ESRP2: variants seen among roughly 807,000 people sequenced by gnomAD.
ESRP2 encodes epithelial splicing regulatory protein 2, also known as RNA binding motif protein 35A.
A neutral mutation model predicts 78.6 loss-of-function variants in ESRP2; 48 were observed. The ratio of observed to expected loss-of-function variants is 0.61; its 90% confidence interval spans 0.48 to 0.78. The LOEUF (loss-of-function observed/expected upper bound fraction) is 0.78. ESRP2 is among the 30% of genes least tolerant of loss of function. ESRP2 has a pLI of 0.00. For missense variants in ESRP2, 863 were observed against 965.9 expected (o/e 0.89, Z 1.41); for synonymous variants, 383 against 406.7 (o/e 0.94, Z 0.70).
At position 68,230,519 on chromosome 16, in the gene ESRP2, G is replaced by C; in HGVS notation, c.1934C>G (p.Thr645Ser). 6.3e-7 allele frequency: 1 copy of C among 1,598,982 alleles called. No homozygotes were observed. The highest frequency in any genetic ancestry group is 1.1e-5 in the South Asian group (1 of 88,348). The part of the protein sequence containing the change: ...PVSPTTVGYL[T>S]TPTAALASAP... The stretch of plus-strand genomic sequence containing the variant: ...AGAGGCCAGGGCAGCAGTGGGTGTA[G>C]TGAGGTAGCCCACAGTGGTGGGGGA... The change falls in exon 14 of 15, where the codon ACT (threonine) becomes AGT (serine). Residue 645 changes from threonine to serine, a missense_variant. Thr to Ser is a moderately conservative substitution (Grantham distance 58, BLOSUM62 1). Coordinates refer to ENST00000473183, the MANE Select transcript of ESRP2 (RefSeq NM_024939.3).
rs779673530 is a variant in ESRP2 at position 68,235,699 on chromosome 16, C to G, written c.262G>C (p.Glu88Gln). ...EAAALSTQCR[E>Q]ASGLSADSLA... Reference sequence around the variant, plus strand: ...CTGTCGGCGCTCAGGCCGCTCGCCTCGCGGCACTGCGTACTCAGTGCGGCC... The same window carrying G: ...CTGTCGGCGCTCAGGCCGCTCGCCTGGCGGCACTGCGTACTCAGTGCGGCC... The change falls in exon 2 of 15, where the codon GAG (glutamate) becomes CAG (glutamine). Residue 88 changes from glutamate to glutamine, a missense_variant. Coordinates refer to ENST00000473183, the MANE Select transcript of ESRP2 (RefSeq NM_024939.3). The surrounding 1 kb of genome is among the most constrained non-coding windows in gnomAD (Gnocchi z 5.5). 20 of 1,601,630 alleles carry G rather than the reference C, an allele frequency of 1.2e-5. No homozygotes were observed. Among genetic ancestry groups the G allele is most frequent in the Non-Finnish European group, 1.4e-5 (17 of 1,178,482 alleles).
chr16:68,231,975 C>A lies in ESRP2; in HGVS notation c.1126G>T (p.Gly376Trp). ...GFLGPECPVT[G>W]GTEGLLFVRH... ...ACAAAGAGCAGCCCCTCGGTACCCCCAGTCACTGGGCACTCTGGCCCCAGG... is the reference window on the plus strand; with the variant it reads ...ACAAAGAGCAGCCCCTCGGTACCCCAAGTCACTGGGCACTCTGGCCCCAGG... Residue 376 changes from glycine to tryptophan, a missense_variant, in exon 10 of 15, where the codon GGG (glycine) becomes TGG (tryptophan). Transcript: ENST00000473183. The surrounding 1 kb of genome is among the most constrained non-coding windows in gnomAD (Gnocchi z 6.0). The A allele has an allele frequency of 6.2e-7, 1 of 1,614,112 alleles. No homozygotes were observed.
Position 68,229,701 on chromosome 16 carries a change from C to T in ESRP2, c.*525G>A, listed in dbSNP as rs150665673. On this transcript the variant is annotated 3_prime_UTR_variant, in exon 15 of 15. Transcript: ENST00000473183. ...GGGACCACCCCTGGCACAACATGGT[C>T]TCTGAGGTCCAGATACTCTGAGGGT... 958 of 158,450 alleles carry T rather than the reference C, an allele frequency of 6.0e-3. 11 individuals carry two copies. Among genetic ancestry groups the T allele is most frequent in the Middle Eastern group, 0.027 (8 of 298 alleles). 9.8% of individuals were successfully genotyped at this position (158,450 alleles called of 1,614,324 possible).
chr16:68,231,775 T>G lies in ESRP2; in HGVS notation c.1299+27A>C. On this transcript the variant is annotated intron_variant, in intron 10 of 14. Coordinates refer to ENST00000473183, the MANE Select transcript of ESRP2 (RefSeq NM_024939.3). This position sits in a 1 kb window ranked among gnomAD's most constrained non-coding sequence, Gnocchi z 6.0. ...GGCCGCCCTGGAGTAACAGTACATC[T>G]GGGGGTGGGGAGCCCTGGGCGCTCA... 1.2e-6 allele frequency: 2 copies of G among 1,603,684 alleles called. No homozygotes were observed. Among genetic ancestry groups the G allele is most frequent in the Non-Finnish European group, 1.7e-6 (2 of 1,172,426 alleles).
At position 68,235,210 on chromosome 16, in the gene ESRP2, G is replaced by T; in HGVS notation, c.327+424C>A. ...AGGGCCGACACCGCCCTACGCCTCC[G>T]CTCCAGCAGCTCCCAAGCAGGCCGA... On this transcript the variant is annotated intron_variant, in intron 2 of 14. Transcript: ENST00000473183. This position sits in a 1 kb window ranked among gnomAD's most constrained non-coding sequence, Gnocchi z 5.5. 2 of 985,288 alleles carry T rather than the reference G, an allele frequency of 2.0e-6. No homozygotes were observed. Among genetic ancestry groups the T allele is most frequent in the Non-Finnish European group, 2.4e-6 (2 of 829,908 alleles). 61.0% of individuals were successfully genotyped at this position (985,288 alleles called of 1,614,324 possible).
chr16:68,230,705 G>A, intron 13 of ESRP2, 136 bp downstream of exon 13: 4 of 1,431,174 alleles, frequency 2.8e-6, no homozygotes, highest in Admixed American at 2.0e-5. Context: ...CTGTTTTGTA[G>A]ATGGCATTAG....
Position 68,231,657 on chromosome 16 carries a change from G to A in ESRP2, c.1337C>T (p.Thr446Ile). The A allele has an allele frequency of 6.2e-7, 1 of 1,612,896 alleles. No homozygotes were observed. Among genetic ancestry groups the A allele is most frequent in the African/African-American group, 1.3e-5 (1 of 74,982 alleles). Residue 446 changes from threonine (T) to isoleucine (I), a missense_variant, in exon 11 of 15, where the codon ACA (threonine) becomes ATA (isoleucine). By Grantham distance (89) the Thr-to-Ile change is moderately conservative. Transcript: ENST00000473183. The surrounding 1 kb of genome is among the most constrained non-coding windows in gnomAD (Gnocchi z 6.0). ...NRYASGPLLP[T>I]LTAPLLPIPF... The stretch of plus-strand genomic sequence containing the variant: ...GATGGGCAGCAGTGGGGCAGTCAGT[G>A]TAGGAAGGAGTGGGCCGGATGCATA...
At chr16:68,230,610 A>G in intron 13 of ESRP2, 56 bp from the exon 14 acceptor site, 1 of 1,514,152 alleles carries the variant, frequency 6.6e-7, no homozygotes, top group South Asian at 1.3e-5. Flanking sequence ...CTAGACCGAG[A>G]CCTGTTTCCC....
Position 68,229,247 on chromosome 16 carries a change from C to T in ESRP2, c.*979G>A, listed in dbSNP as rs749564922. On this transcript the variant is annotated 3_prime_UTR_variant, in exon 15 of 15. Coordinates refer to ENST00000473183, the MANE Select transcript of ESRP2 (RefSeq NM_024939.3). ...TTAGTGCTGAAATAATAAACAGTGA[C>T]AGGTCAACAGTATCCTTAATCTGTC... is the stretch of plus-strand genomic sequence containing the variant. The T allele has an allele frequency of 6.6e-6, 1 of 152,248 alleles. No homozygotes were observed. Among genetic ancestry groups the T allele is most frequent in the Non-Finnish European group, 1.5e-5 (1 of 68,050 alleles). The allele number at this position is 152,248 out of a possible 1,614,324, so 9.4% of individuals were successfully genotyped here.
chr16:68,233,732 G>A, intron 4 of ESRP2, 36 bp downstream of exon 4: 1 of 1,494,728 alleles, frequency 6.7e-7, no homozygotes, highest in African/African-American at 1.4e-5. Context: ...TACCCACAGT[G>A]GCTTCTCCAC....
At position 68,232,832 on chromosome 16, in the gene ESRP2, T is replaced by A. The variant is rs746118286; in HGVS notation, c.656-17A>T. ...ACAATTGACCTGAGAAAAGATGGCC[T>A]GGGGGTCAGCAGGGTCTGGTGGAGA... On this transcript the variant is annotated splice_polypyrimidine_tract_variant and intron_variant, in intron 5 of 14. Transcript: ENST00000473183. This position sits in a 1 kb window ranked among gnomAD's most constrained non-coding sequence, Gnocchi z 5.2. 6.2e-7 allele frequency: 1 copy of A among 1,613,964 alleles called. No homozygotes were observed. Among genetic ancestry groups the A allele is most frequent in the Non-Finnish European group, 8.5e-7 (1 of 1,180,034 alleles).
intron 5 of ESRP2, chr16:68,233,044 C>G (rs1011207686): frequency 1.7e-4 from 107 of 633,796 alleles, no homozygotes; most frequent in Non-Finnish European, 2.7e-4. Context: ...ACTAAAAATA[C>G]AAAAATTAGG....
chr16:68,230,092 G>T lies in ESRP2; in HGVS notation c.*134C>A. 1.3e-6 allele frequency: 1 copy of T among 765,906 alleles called. No homozygotes were observed. Among genetic ancestry groups the T allele is most frequent in the Non-Finnish European group, 2.2e-6 (1 of 452,264 alleles). 47.4% of individuals were successfully genotyped at this position (765,906 alleles called of 1,614,324 possible). ...AGTGGAGGATGGAGCTGGGGCTTGGGCTCCTCTAGGTACCTTCTGAGAGCT... is the reference window on the plus strand; with the variant it reads ...AGTGGAGGATGGAGCTGGGGCTTGGTCTCCTCTAGGTACCTTCTGAGAGCT... On this transcript the variant is annotated 3_prime_UTR_variant, in exon 15 of 15. Transcript: ENST00000473183.
Position 68,234,021 on chromosome 16 carries a change from C to T in ESRP2, c.414G>A (p.Gln138=). 6.2e-7 allele frequency: 1 copy of T among 1,614,100 alleles called. No individual in the cohort carries two copies. Among genetic ancestry groups the T allele is most frequent in the Non-Finnish European group, 8.5e-7 (1 of 1,179,996 alleles). The stretch of plus-strand genomic sequence containing the variant: ...TCCTGGAGGCCTCGGGGTGCAGGAC[C>T]TGTCGCAATAGCTGCTGCCCATCAG... ...LCTDGQQLLR[Q]VLHPEASRKN... The change falls in exon 3 of 15, where the codon CAG becomes CAA. Residue 138 remains glutamine, a synonymous_variant. Coordinates refer to ENST00000473183, the MANE Select transcript of ESRP2 (RefSeq NM_024939.3).
Position 68,235,380 on chromosome 16 carries a change from A to G in ESRP2, c.327+254T>C. 2.0e-6 allele frequency: 2 copies of G among 985,442 alleles called. No homozygotes were observed. The highest frequency in any genetic ancestry group is 2.4e-6 in the Non-Finnish European group (2 of 829,918). The allele number at this position is 985,442 out of a possible 1,614,324, so 61.0% of individuals were successfully genotyped here. A position where few individuals can be genotyped will look rare whatever the true frequency, so the allele number is the denominator to read the frequency against. ...GGGCGGGAACTGGGGATGGATCCCAAAGCCTGCGTCCCGATCCCTTCGGTA... is the reference window on the plus strand; with the variant it reads ...GGGCGGGAACTGGGGATGGATCCCAGAGCCTGCGTCCCGATCCCTTCGGTA... On this transcript the variant is annotated intron_variant, in intron 2 of 14. Transcript: ENST00000473183. This position sits in a 1 kb window ranked among gnomAD's most constrained non-coding sequence, Gnocchi z 5.5.
Position 68,232,958 on chromosome 16 carries a change from G to A in ESRP2, c.656-143C>T, listed in dbSNP as rs2042166305. 1 of 1,183,268 alleles carries A rather than the reference G, an allele frequency of 8.5e-7. No homozygotes were observed. The highest frequency in any genetic ancestry group is 2.0e-5 in the Admixed American group (1 of 49,810). 73.3% of individuals were successfully genotyped at this position (1,183,268 alleles called of 1,614,324 possible). On this transcript the variant is annotated intron_variant, in intron 5 of 14. Coordinates refer to ENST00000473183, the MANE Select transcript of ESRP2 (RefSeq NM_024939.3). The surrounding 1 kb of genome is among the most constrained non-coding windows in gnomAD (Gnocchi z 5.2). ...TCACGCCTATAATCCCAGCACTTTG[G>A]GAGGCCAAGGTGGGTGGATCATTTG... is the stretch of plus-strand genomic sequence containing the variant.
At position 68,231,572 on chromosome 16, in the gene ESRP2, G is replaced by A. The variant is rs2042140886; in HGVS notation, c.1422C>T (p.Tyr474=). 1.9e-6 allele frequency: 3 copies of A among 1,614,150 alleles called. No individual in the cohort carries two copies. Among genetic ancestry groups the A allele is most frequent in the Non-Finnish European group, 2.5e-6 (3 of 1,180,014 alleles). The stretch of plus-strand genomic sequence containing the variant: ...TCAGGATGTCTTCAATGGTGGCCGT[G>A]TAGGGCAGGCCTCGGAGGCGTACAC... ...RDCVRLRGLP[Y]TATIEDILSF... The change falls in exon 11 of 15, where the codon TAC becomes TAT. Residue 474 remains tyrosine (Y), a synonymous_variant. Transcript: ENST00000473183. The surrounding 1 kb of genome is among the most constrained non-coding windows in gnomAD (Gnocchi z 6.0).
Position 68,232,605 on chromosome 16 carries a change from G to A in ESRP2, c.793C>T (p.Arg265Cys), listed in dbSNP as rs200139644. The change falls in exon 7 of 15, where the codon CGC becomes TGC. Residue 265 changes from arginine (R) to cysteine (C), a missense_variant. Arg to Cys is a radical substitution (Grantham distance 180). Transcript: ENST00000473183. The surrounding 1 kb of genome is among the most constrained non-coding windows in gnomAD (Gnocchi z 5.2). ...PWQSSDQDVARFFKGLNVARG... is the reference protein window; with the variant it reads ...PWQSSDQDVACFFKGLNVARG... The stretch of plus-strand genomic sequence containing the variant: ...GCCACGTTGAGCCCTTTGAAGAAGC[G>A]AGCCACGTCCTGGTCTGATGACTGC... 22 of 1,614,106 alleles carry A rather than the reference G, an allele frequency of 1.4e-5. No homozygotes were observed. In the East Asian group the frequency reaches 1.6e-4, roughly 11 times the overall value.
At position 68,231,512 on chromosome 16, in the gene ESRP2, G is replaced by C; in HGVS notation, c.1482C>G (p.Pro494=). Residue 494 remains proline (P), a synonymous_variant, in exon 11 of 15, where the codon CCC becomes CCG. Coordinates refer to ENST00000473183, the MANE Select transcript of ESRP2 (RefSeq NM_024939.3). The surrounding 1 kb of genome is among the most constrained non-coding windows in gnomAD (Gnocchi z 6.0). The part of the protein sequence containing the change: ...FLGEAAADIR[P]HGVHMVLNQQ... ...GGTTGAGCACCATGTGTACACCGTGGGGCCGAATGTCAGCTGCTGCCTCCC... is the reference window on the plus strand; with the variant it reads ...GGTTGAGCACCATGTGTACACCGTGCGGCCGAATGTCAGCTGCTGCCTCCC... 1 of 1,614,048 alleles carries C rather than the reference G, an allele frequency of 6.2e-7. No individual in the cohort carries two copies. Among genetic ancestry groups the C allele is most frequent in the Non-Finnish European group, 8.5e-7 (1 of 1,179,996 alleles).
Sources: allele counts gnomAD v4.1 joint callset, GRCh38; gene constraint gnomAD v4.1.1; non-coding constraint Gnocchi (gnomAD v3.1); transcripts MANE v1.5; gene names NCBI Gene and HGNC (gene_info 2026-07-23, HGNC 2026-07-21).